Variants in GTF2E2 observed in about 807,000 individuals in gnomAD.
GTF2E2 encodes transcription initiation factor IIE subunit beta.
GTF2E2 carries 21 observed loss-of-function variants against 40.5 expected under a neutral mutation model. The ratio of observed to expected loss-of-function variants is 0.52; its 90% CI spans 0.37 to 0.75. GTF2E2 has a LOEUF of 0.75. GTF2E2 is among the 30% of genes least tolerant of loss of function. GTF2E2 has a pLI of 0.00. For synonymous variants in GTF2E2, 117 were observed against 121.6 expected, an observed-to-expected ratio of 0.96 and a Z score of 0.25; for missense variants, 298 against 338.4, an observed-to-expected ratio of 0.88 and a Z score of 0.94.
At chr8:30,654,592 A>G (rs1466140017) in intron 1 of GTF2E2, among the ~76,000 whole-genome samples, 1 of 152,036 alleles carries the variant, frequency 6.6e-6, no homozygotes, top group Non-Finnish European at 1.5e-5. Flanking sequence ...CTTTTTAGAG[A>G]CAAGGTCTTG....
At chr8:30,611,865 C>T (rs1462444584) in intron 5 of GTF2E2, among the ~76,000 whole-genome samples, 1 of 152,214 alleles carries the variant, frequency 6.6e-6, no homozygotes, top group Non-Finnish European at 1.5e-5. Context: ...TCATCTGTAT[C>T]AGTAGGACTT....
intron 4 of GTF2E2, among the ~76,000 whole-genome samples, chr8:30,613,276 G>C (rs1027478361): frequency 1.3e-5 from 2 of 152,190 alleles, no homozygotes; most frequent in African/African-American, 4.8e-5. Flanking sequence ...GGCAATGGCA[G>C]CTGTGGAAGG....
intron 2 of GTF2E2, among the ~76,000 whole-genome samples, chr8:30,649,339 T>C (rs1657226694): frequency 6.6e-6 from 1 of 151,736 alleles, no homozygotes; most frequent in Non-Finnish European, 1.5e-5. Context: ...AAGATAATAA[T>C]GTAAGAGTAA....
Position 30,578,675 on chromosome 8 carries a change from G to A in GTF2E2, c.*246C>T, listed in dbSNP as rs1828423902. The A allele has an allele frequency of 2.8e-6, 1 of 359,674 alleles. No homozygotes were observed. Among genetic ancestry groups the A allele is most frequent in the Non-Finnish European group, 5.1e-6 (1 of 196,150 alleles). The allele number at this position is 359,674 out of a possible 1,614,324, so 22.3% of individuals were successfully genotyped here. A position where few individuals can be genotyped will look rare whatever the true frequency, so the allele number is the denominator to read the frequency against. ...GGAGAAAAACACAGCAAAGACACCT[G>A]CATGCCACGCTCAGCGCCTTTCTCC... is the stretch of plus-strand genomic sequence containing the variant. On this transcript the variant is annotated 3_prime_UTR_variant, in exon 8 of 8. Transcript: ENST00000355904.
chr8:30,600,714 A>C (rs1028375868), intron 6 of GTF2E2, among the ~76,000 whole-genome samples: 10 of 152,256 alleles, frequency 6.6e-5, no homozygotes, highest in Admixed American at 6.5e-5. Flanking sequence ...TTCTGACTTA[A>C]GGAAAGAAAT....
At chr8:30,619,975 C>A (rs2151134477) in intron 3 of GTF2E2, among the ~76,000 whole-genome samples, 1 of 151,872 alleles carries the variant, frequency 6.6e-6, no homozygotes, top group East Asian at 1.9e-4. Flanking sequence ...GAGTGAATAG[C>A]AAGAGATGTG....
chr8:30,623,461 T>C (rs747262370), intron 3 of GTF2E2, among the ~76,000 whole-genome samples: 7 of 152,150 alleles, frequency 4.6e-5, no homozygotes, highest in Non-Finnish European at 7.3e-5. Context: ...GACATTTGAG[T>C]GCTGCAATAA....
intron 6 of GTF2E2, among the ~76,000 whole-genome samples, chr8:30,606,177 C>A (rs959752279): frequency 3.9e-5 from 6 of 152,152 alleles, no homozygotes; most frequent in Admixed American, 1.3e-4. Flanking sequence ...GAATATTCTG[C>A]ACATTTTTAT....
chr8:30,634,776 T>C (rs16877223), intron 3 of GTF2E2, among the ~76,000 whole-genome samples: 261 of 152,330 alleles, frequency 1.7e-3, no homozygotes, highest in African/African-American at 6.0e-3. Flanking sequence ...CACACTCTTA[T>C]TAAGTGAAAT....
chr8:30,622,011 A>T (rs1801118562), intron 3 of GTF2E2, among the ~76,000 whole-genome samples: 1 of 151,758 alleles, frequency 6.6e-6, no homozygotes, highest in African/African-American at 2.4e-5. Flanking sequence ...TCTAGGGTAC[A>T]TGTGCACAAC....
At chr8:30,600,933 G>A (rs931341067) in intron 6 of GTF2E2, among the ~76,000 whole-genome samples, 14 of 152,212 alleles carry the variant, frequency 9.2e-5, no homozygotes, top group African/African-American at 3.4e-4. Context: ...CTAGTGGAAC[G>A]AAACGAAAAT....
intron 6 of GTF2E2, among the ~76,000 whole-genome samples, chr8:30,603,915 A>G (rs1468937474): frequency 1.3e-5 from 2 of 152,172 alleles, no homozygotes; most frequent in Non-Finnish European, 2.9e-5. Flanking sequence ...AAAACCGCAC[A>G]CTATTAAATT....
chr8:30,582,740 G>GA (rs1400848904), intron 6 of GTF2E2, among the ~76,000 whole-genome samples: 5 of 152,174 alleles, frequency 3.3e-5, no homozygotes, highest in South Asian at 2.1e-4. Flanking sequence ...ACACAGTAAC[G>GA]AGCTTGTGCC....
intron 1 of GTF2E2, among the ~76,000 whole-genome samples, 152 bp downstream of exon 1, chr8:30,657,821 G>C (rs1176651470): frequency 6.6e-6 from 1 of 152,166 alleles, no homozygotes; most frequent in Non-Finnish European, 1.5e-5. Flanking sequence ...GGAACGGTTC[G>C]CGTGCTGGGT....
At chr8:30,621,823 G>A (rs368481365) in intron 3 of GTF2E2, among the ~76,000 whole-genome samples, 10 of 151,386 alleles carry the variant, frequency 6.6e-5, no homozygotes, top group South Asian at 4.2e-4. Context: ...TACTTCCTTC[G>A]TGCCTTACTG....
chr8:30,591,708 T>C lies in GTF2E2; in HGVS notation c.644-11312A>G, dbSNP rs184468017. ...AAATTAATGTAGCTGCTTTGCAAAA[T>C]AGTATGACAATTCCTCAAAAAGTTA... On this transcript the variant is annotated intron_variant, in intron 6 of 7. Transcript: ENST00000355904. 1.6e-3 allele frequency among the ~76,000 whole-genome samples: 251 copies of C among 152,214 alleles called. 2 individuals carry two copies. The highest frequency in any genetic ancestry group is 0.015 in the South Asian group (70 of 4,822).
chr8:30,584,053 G>A (rs561020862), intron 6 of GTF2E2, among the ~76,000 whole-genome samples: 80 of 152,056 alleles, frequency 5.3e-4, no homozygotes, highest in Admixed American at 1.8e-3. Flanking sequence ...TGATCTGCCC[G>A]CCTCAGCCTC....
chr8:30,620,354 A>G (rs370317644), intron 3 of GTF2E2, among the ~76,000 whole-genome samples: 7 of 152,180 alleles, frequency 4.6e-5, no homozygotes, highest in African/African-American at 1.7e-4. Flanking sequence ...AATTAAAACC[A>G]AGGTTCCAAA....
At chr8:30,651,406 A>T (rs1563512444) in intron 2 of GTF2E2, among the ~76,000 whole-genome samples, 1 of 151,998 alleles carries the variant, frequency 6.6e-6, no homozygotes, top group Non-Finnish European at 1.5e-5. Context: ...AGCAATGAAC[A>T]ATTTAAAAAA....
Sources: gnomAD v4.1 joint callset for allele counts (sites outside exome capture counted in the v4.1 genomes callset) on GRCh38, gnomAD v4.1.1 for gene constraint, MANE v1.5 for transcripts, NCBI Gene and HGNC (gene_info 2026-07-23, HGNC 2026-07-21) for gene names.